Variants in KRT7 observed in about 807,000 individuals in gnomAD.
KRT7 encodes the protein keratin 7.
Under a neutral mutation model 42.8 loss-of-function variants are expected in KRT7, and 50 were observed. The observed-to-expected ratio is 1.17, with a 90% CI of 0.93 to 1.48. The LOEUF (loss-of-function observed/expected upper bound fraction) is 1.48. Among genes scored for constraint, KRT7 ranks in the 40% most tolerant of loss-of-function variants. The pLI is 0.00. For missense variants in KRT7, 588 were observed against 637.6 expected (o/e 0.92, Z 0.84); for synonymous variants, 268 against 266.3 (o/e 1.01, Z -0.06).
At chr12:52,248,998 C>A (rs1242734448), downstream of KRT7, 4 of 375,168 alleles carry the variant, frequency 1.1e-5, no homozygotes, top group Non-Finnish European at 1.9e-5. Context: ...TCCCTGGTGA[C>A]TAGGAAGCCT....
At position 52,248,768 on chromosome 12, in the gene KRT7, CCCA is replaced by C. The variant is rs1565723834; in HGVS notation, c.*13_*15del. 6.5e-7 allele frequency: 1 copy of C among 1,540,474 alleles called. No individual in the cohort carries two copies. ...AGGAGTGCCCGCGACTGAGCCGCCT[CCCA>C]CCACTCCACTCCTCCAGCCACCACC... On this transcript the variant is annotated 3_prime_UTR_variant, in exon 9 of 9. Coordinates refer to ENST00000331817, the MANE Select transcript of KRT7 (RefSeq NM_005556.4).
intron 8 of KRT7, 90 bp downstream of exon 8, chr12:52,248,301 T>G: frequency 7.5e-7 from 1 of 1,335,584 alleles, no homozygotes. Flanking sequence ...CCCAGGGCCC[T>G]GCTGGAGGGG....
At position 52,238,677 on chromosome 12, in the gene KRT7, C is replaced by T; in HGVS notation, c.598-3C>T. ...CTCTGCCCCATCTTGCCCCAACCCC[C>T]AGGATGTGGATGCTGCCTACATGAG... On this transcript the variant is annotated splice_region_variant and splice_polypyrimidine_tract_variant and intron_variant, in intron 3 of 8. Transcript: ENST00000331817. 1.9e-6 allele frequency: 3 copies of T among 1,609,586 alleles called. No homozygotes were observed. The highest frequency in any genetic ancestry group is 1.7e-6 in the Non-Finnish European group (2 of 1,175,850).
At chr12:52,241,905 C>G in intron 5 of KRT7, 1 of 252,910 alleles carries the variant, frequency 4.0e-6, no homozygotes, top group South Asian at 1.5e-4. Context: ...CTCATGTAAT[C>G]CACAGAACAG....
At position 52,243,050 on chromosome 12, in the gene KRT7, C is replaced by T. The variant is rs545957258; in HGVS notation, c.897C>T (p.Asp299=). 2.5e-5 allele frequency: 40 copies of T among 1,613,716 alleles called. No individual in the cohort carries two copies. The highest frequency in any genetic ancestry group is 2.0e-4 in the African/African-American group (15 of 74,972). ...AGGCCCAGGCTGGGAAGCATGGGGA[C>T]GACCTCCGGAATACCCGGAATGAGA... The part of the protein sequence containing the change: ...TLQAQAGKHG[D]DLRNTRNEIS... The change falls in exon 6 of 9, where the codon GAC becomes GAT. Residue 299 remains aspartate, a synonymous_variant. Transcript: ENST00000331817.
At chr12:52,244,700 T>A (rs568105976) in intron 6 of KRT7, 1 of 925,362 alleles carries the variant, frequency 1.1e-6, no homozygotes, top group South Asian at 5.0e-5. Context: ...TTCAGGCTCC[T>A]GGCAGTGGGG....
At position 52,233,432 on chromosome 12, in the gene KRT7, C is replaced by A. The variant is rs976630120; in HGVS notation, c.136C>A (p.Arg46=). Residue 46 remains arginine (R), a synonymous_variant, in exon 1 of 9, where the codon CGG becomes AGG. Coordinates refer to ENST00000331817, the MANE Select transcript of KRT7 (RefSeq NM_005556.4). ...CAGCCTCTACGGCCTCGGCGCCTCA[C>A]GGCCGCGCGTGGCCGTGCGCTCTGC... ...SSSLYGLGAS[R]PRVAVRSAYG... 3.2e-6 allele frequency: 5 copies of A among 1,555,248 alleles called. No homozygotes were observed. The East Asian group carries it at 1.2e-4, about 39-fold the overall frequency.
chr12:52,235,165 T>C lies in KRT7; in HGVS notation c.335T>C (p.Leu112Pro). ...TCTCGCCCGTTCTAGGTGCGGTTTC[T>C]GGAGCAGCAGAACAAGCTGCTGGAG... is the stretch of plus-strand genomic sequence containing the variant. The part of the protein sequence containing the change: ...FASFIDKVRF[L>P]EQQNKLLETK... The change falls in exon 2 of 9, where the codon CTG becomes CCG. Residue 112 changes from leucine to proline, a missense_variant. Physicochemically the swap from Leu to Pro is moderately conservative, Grantham distance 98. Coordinates refer to ENST00000331817, the MANE Select transcript of KRT7 (RefSeq NM_005556.4). 1.2e-6 allele frequency: 2 copies of C among 1,614,090 alleles called. No individual in the cohort carries two copies. The highest frequency in any genetic ancestry group is 1.7e-6 in the Non-Finnish European group (2 of 1,179,960).
At position 52,235,158 on chromosome 12, in the gene KRT7, C is replaced by A. The variant is rs200409926; in HGVS notation, c.328C>A (p.Arg110=). The change falls in exon 2 of 9, where the codon CGG becomes AGG. Residue 110 remains arginine, a synonymous_variant. Transcript: ENST00000331817. The stretch of plus-strand genomic sequence containing the variant: ...TCCTCCTTCTCGCCCGTTCTAGGTG[C>A]GGTTTCTGGAGCAGCAGAACAAGCT... ...NKFASFIDKV[R]FLEQQNKLLE... is the part of the protein sequence containing the mutation. 9.9e-6 allele frequency: 16 copies of A among 1,613,870 alleles called. No homozygotes were observed. The highest frequency in any genetic ancestry group is 1.4e-5 in the Non-Finnish European group (16 of 1,179,918).
intron 3 of KRT7, among the ~76,000 whole-genome samples, chr12:52,237,930 G>A (rs1565717967): frequency 6.6e-6 from 1 of 152,222 alleles, no homozygotes; most frequent in South Asian, 2.1e-4. Flanking sequence ...CTGAATGAAT[G>A]CAATGAGCTG....
chr12:52,252,835 C>T (rs1022699091), downstream of KRT7, among the ~76,000 whole-genome samples: 16 of 152,210 alleles, frequency 1.1e-4, no homozygotes, highest in Non-Finnish European at 1.9e-4. Context: ...GCTTGCTTCG[C>T]TCATTTACTA....
At chr12:52,244,499 C>A in intron 6 of KRT7, 1 of 985,798 alleles carries the variant, frequency 1.0e-6, no homozygotes. Context: ...GGCAGGGCAC[C>A]GAGCTGTGGC....
chr12:52,233,874 G>A (rs1182986315), intron 1 of KRT7, among the ~76,000 whole-genome samples: 1 of 152,164 alleles, frequency 6.6e-6, no homozygotes, highest in Non-Finnish European at 1.5e-5. Flanking sequence ...CCCGGAGTGC[G>A]GGCCTGAGTC....
At chr12:52,245,742 C>A in intron 7 of KRT7, 110 bp downstream of exon 7, 1 of 1,375,756 alleles carries the variant, frequency 7.3e-7, no homozygotes, top group Non-Finnish European at 1.0e-6. Flanking sequence ...CTGCAGGGCA[C>A]TGGGTGTGGG....
chr12:52,235,015 G>A, intron 1 of KRT7, 140 bp from the exon 2 acceptor site: 1 of 739,148 alleles, frequency 1.4e-6, no homozygotes. Context: ...AGTCCAAAGG[G>A]AGAGGGCTGG....
chr12:52,253,665 T>A (rs1375874702), downstream of KRT7: 33 of 1,491,108 alleles, frequency 2.2e-5, no homozygotes, highest in Non-Finnish European at 3.0e-5. Context: ...GTACTGAGCT[T>A]TGATCTCAGT....
At chr12:52,253,212 C>T, downstream of KRT7, 1 of 1,605,824 alleles carries the variant, frequency 6.2e-7, no homozygotes, top group Non-Finnish European at 8.5e-7. Flanking sequence ...GGCTCCCATA[C>T]CTGGCACTTG....
chr12:52,254,469 G>A (rs551166645), downstream of KRT7: 4 of 479,132 alleles, frequency 8.3e-6, no homozygotes, highest in Non-Finnish European at 1.6e-5. Flanking sequence ...CAGCTTCCCT[G>A]GAAACCCTCT....
At chr12:52,239,129 T>A (rs1942049335) in intron 4 of KRT7, among the ~76,000 whole-genome samples, 1 of 152,040 alleles carries the variant, frequency 6.6e-6, no homozygotes, top group African/African-American at 2.4e-5. Context: ...CTTTAGGTGT[T>A]TTTTTTTAGG....
Sources: gnomAD v4.1 joint callset for allele counts (sites outside exome capture counted in the v4.1 genomes callset) on GRCh38, gnomAD v4.1.1 for gene constraint, MANE v1.5 for transcripts, NCBI Gene and HGNC (gene_info 2026-07-23, HGNC 2026-07-21) for gene names.